DACH1: variants seen among roughly 807,000 people sequenced by gnomAD.
DACH1 encodes the protein dachshund homolog 1.
DACH1 carries 12 observed loss-of-function variants against 54.2 expected under a neutral mutation model. The observed-to-expected ratio is 0.22, with a 90% CI of 0.14 to 0.36. The LOEUF (loss-of-function observed/expected upper bound fraction) is 0.36, where lower values mean the gene tolerates loss of function less well. DACH1 is among the 10% of genes least tolerant of loss of function. The probability of loss-of-function intolerance (pLI) is 1.00; values close to 1 mark genes in which losing one functional copy is unlikely to be tolerated. For synonymous variants in DACH1, 386 were observed against 366.2 expected, an observed-to-expected ratio of 1.05 and a Z score of -0.62; for missense variants, 805 against 929.8, an observed-to-expected ratio of 0.87 and a Z score of 1.75.
At chr13:71,850,401 C>T (rs9572810) in intron 1 of DACH1, among the ~76,000 whole-genome samples, 14,316 of 152,096 alleles carry the variant, frequency 0.094, 1,399 homozygotes, top group East Asian at 0.56. Context: ...TTGTCCAAAC[C>T]ATGCATTTCC....
At chr13:71,862,602 T>C (rs1330375108) in intron 1 of DACH1, among the ~76,000 whole-genome samples, 1 of 152,086 alleles carries the variant, frequency 6.6e-6, no homozygotes, top group Admixed American at 6.5e-5. Context: ...TAGCAGGTGA[T>C]AGTCTCTTTT....
intron 1 of DACH1, among the ~76,000 whole-genome samples, chr13:71,695,601 A>C (rs1017038807): frequency 1.3e-5 from 2 of 152,234 alleles, no homozygotes; most frequent in Non-Finnish European, 2.9e-5. Context: ...TCCAAGGCAG[A>C]AAAATGTGGA....
rs998859610 is a variant in DACH1 at position 71,622,667 on chromosome 13, T to A, written c.1126+7889A>T. Among the ~76,000 whole-genome samples, 10 of 151,842 alleles carry A rather than the reference T, an allele frequency of 6.6e-5. 1 individual carries two copies. Among genetic ancestry groups the A allele is most frequent in the Admixed American group, 3.3e-4 (5 of 15,192 alleles). On this transcript the variant is annotated intron_variant, in intron 3 of 10. Coordinates refer to ENST00000613252, the MANE Select transcript of DACH1 (RefSeq NM_080759.6). ...TCCAGGACTTTCCATGATGAAAACATATTCATCCTCCTGGAATGTAATGGA... is the reference window on the plus strand; with the variant it reads ...TCCAGGACTTTCCATGATGAAAACAAATTCATCCTCCTGGAATGTAATGGA...
chr13:71,582,253 A>G (rs1292332149), intron 3 of DACH1, among the ~76,000 whole-genome samples: 2 of 152,198 alleles, frequency 1.3e-5, no homozygotes, highest in African/African-American at 4.8e-5. Flanking sequence ...ATAAATTCTT[A>G]GCACAAATGA....
At chr13:71,674,097 T>C (rs140451658) in intron 2 of DACH1, among the ~76,000 whole-genome samples, 271 of 152,314 alleles carry the variant, frequency 1.8e-3, no homozygotes, top group Non-Finnish European at 2.9e-3. Context: ...TGAACAAATA[T>C]TTAGTTTGAA....
chr13:71,643,120 T>C lies in DACH1; in HGVS notation c.965-12403A>G, dbSNP rs145024264. Among the ~76,000 whole-genome samples, 783 of 152,348 alleles carry C rather than the reference T, an allele frequency of 5.1e-3. 3 individuals carry two copies. Among genetic ancestry groups the C allele is most frequent in the Non-Finnish European group, 9.2e-3 (626 of 68,026 alleles). The stretch of plus-strand genomic sequence containing the variant: ...AGTTATTAAATATCATTTTGATTTA[T>C]GCAATGTTCACAGTGGCACATAATG... On this transcript the variant is annotated intron_variant, in intron 2 of 10. Coordinates refer to ENST00000613252, the MANE Select transcript of DACH1 (RefSeq NM_080759.6).
At chr13:71,832,486 T>C (rs544478645) in intron 1 of DACH1, among the ~76,000 whole-genome samples, 22 of 152,088 alleles carry the variant, frequency 1.4e-4, no homozygotes, top group Non-Finnish European at 2.9e-5. Flanking sequence ...TAAGAAAATG[T>C]TTTAATAGTA....
chr13:71,640,556 C>G (rs1270102757), intron 2 of DACH1, among the ~76,000 whole-genome samples: 1 of 151,938 alleles, frequency 6.6e-6, no homozygotes, highest in Non-Finnish European at 1.5e-5. Flanking sequence ...AACTGACATG[C>G]CTTGACTCTA....
At chr13:71,715,191 C>T (rs1039465379) in intron 1 of DACH1, among the ~76,000 whole-genome samples, 6 of 152,026 alleles carry the variant, frequency 3.9e-5, no homozygotes, top group African/African-American at 1.4e-4. Context: ...ACCATGGTGC[C>T]TCTGAATAGT....
chr13:71,749,166 T>C (rs931115468), intron 1 of DACH1, among the ~76,000 whole-genome samples: 1 of 151,696 alleles, frequency 6.6e-6, no homozygotes, highest in African/African-American at 2.4e-5. Flanking sequence ...GTATTTTCAG[T>C]AGAGATGGGG....
chr13:71,787,333 A>T (rs1303934277), intron 1 of DACH1, among the ~76,000 whole-genome samples: 1 of 152,210 alleles, frequency 6.6e-6, no homozygotes, highest in Non-Finnish European at 1.5e-5. Flanking sequence ...TACTTTAGCT[A>T]GAGAGACAAG....
chr13:71,452,212 C>T (rs1265905866), intron 10 of DACH1, among the ~76,000 whole-genome samples: 1 of 152,104 alleles, frequency 6.6e-6, no homozygotes, highest in African/African-American at 2.4e-5. Flanking sequence ...TCACTGCAAC[C>T]TCCGCCTCCT....
At chr13:71,733,738 T>G (rs1014596039) in intron 1 of DACH1, among the ~76,000 whole-genome samples, 1 of 152,176 alleles carries the variant, frequency 6.6e-6, no homozygotes, top group Admixed American at 6.5e-5. Context: ...GACAGTAGCA[T>G]TTTACATAAT....
chr13:71,677,033 T>A (rs1424631421), intron 2 of DACH1, among the ~76,000 whole-genome samples: 1 of 152,228 alleles, frequency 6.6e-6, no homozygotes, highest in Non-Finnish European at 1.5e-5. Flanking sequence ...TTTATGAAAA[T>A]TGTATTTCAA....
intron 1 of DACH1, among the ~76,000 whole-genome samples, chr13:71,755,908 C>A (rs896270136): frequency 7.2e-5 from 11 of 151,734 alleles, no homozygotes; most frequent in Admixed American, 2.0e-4. Flanking sequence ...TCATCATAGA[C>A]CATTAATTTA....
Position 71,529,222 on chromosome 13 carries a change from T to C in DACH1, c.1570+27802A>G, listed in dbSNP as rs866012913. ...TTTTTTTTGAGGCAGAATCTCGCTG[T>C]GTCACCCAGCCTGGAGTGCAGTGGT... On this transcript the variant is annotated intron_variant, in intron 6 of 10. Transcript: ENST00000613252. 4.8e-4 allele frequency among the ~76,000 whole-genome samples: 71 copies of C among 146,500 alleles called. 1 individual carries two copies. The highest frequency in any genetic ancestry group is 1.7e-3 in the African/African-American group (68 of 39,644).
chr13:71,439,142 T>C lies in DACH1; in HGVS notation c.*1513A>G, dbSNP rs1370340635. The C allele has an allele frequency of 1.3e-5, 2 of 152,456 alleles. No individual in the cohort carries two copies. The highest frequency in any genetic ancestry group is 2.4e-5 in the African/African-American group (1 of 41,442). The allele number at this position is 152,456 out of a possible 1,614,324, so 9.4% of individuals were successfully genotyped here. A position where few individuals can be genotyped will look rare whatever the true frequency, so the allele number is the denominator to read the frequency against. ...AGCTAGTTTTCTTAGACATTGAAGATTTTGCTGTTTTGTGGTAATAAATAA... is the reference window on the plus strand; with the variant it reads ...AGCTAGTTTTCTTAGACATTGAAGACTTTGCTGTTTTGTGGTAATAAATAA... On this transcript the variant is annotated 3_prime_UTR_variant, in exon 11 of 11. Transcript: ENST00000613252.
chr13:71,651,657 T>G (rs930265254), intron 2 of DACH1, among the ~76,000 whole-genome samples: 2 of 109,840 alleles, frequency 1.8e-5, no homozygotes, highest in Non-Finnish European at 3.8e-5. Context: ...TGCATGTATA[T>G]GTATCTGTAT....
chr13:71,540,613 C>A (rs566382575), intron 6 of DACH1, among the ~76,000 whole-genome samples: 1 of 152,136 alleles, frequency 6.6e-6, no homozygotes, highest in East Asian at 1.9e-4. Context: ...TACTACATAT[C>A]AAAAAATCCA....
Sources: allele counts gnomAD v4.1 joint callset (sites outside exome capture counted in the v4.1 genomes callset), GRCh38; gene constraint gnomAD v4.1.1; transcripts MANE v1.5; gene names NCBI Gene and HGNC (gene_info 2026-07-23, HGNC 2026-07-21).